The following AFF3 variants were observed in gnomAD, a reference collection of about 807,000 sequenced individuals.
AFF3 encodes ALF transcription elongation factor 3, also known as AF4/FMR2 family member 3.
A neutral mutation model predicts 129.7 loss-of-function variants in AFF3; 32 were observed. That is an observed-to-expected ratio of 0.25 (90% confidence interval 0.19 to 0.33). The LOEUF is 0.33. AFF3 is among the 10% of genes least tolerant of loss of function. AFF3 has a pLI of 1.00. For missense variants in AFF3, 1,373 were observed against 1,592.0 expected (o/e 0.86, Z 2.34); for synonymous variants, 644 against 635.4 (o/e 1.01, Z -0.20).
intron 7 of AFF3, among the ~76,000 whole-genome samples, chr2:99,937,064 C>G (rs1378238379): frequency 6.6e-6 from 1 of 152,174 alleles, no homozygotes; most frequent in Non-Finnish European, 1.5e-5. Flanking sequence ...ACAGGTCCAT[C>G]TGAAAATGCT....
At chr2:99,772,905 C>T (rs1324187520) in intron 8 of AFF3, among the ~76,000 whole-genome samples, 3 of 152,202 alleles carry the variant, frequency 2.0e-5, no homozygotes, top group Non-Finnish European at 4.4e-5. Context: ...AGACTAGATC[C>T]AAGTTCTCAG....
At chr2:100,011,479 C>T (rs767254701) in intron 4 of AFF3, 2 of 780,924 alleles carry the variant, frequency 2.6e-6, no homozygotes, top group South Asian at 2.7e-5. Context: ...CAGAAGGCCC[C>T]CATGCCCAAA....
At chr2:99,630,660 G>A (rs921723775) in intron 13 of AFF3, 5 of 156,016 alleles carry the variant, frequency 3.2e-5, no homozygotes, top group African/African-American at 7.2e-5. Flanking sequence ...CATGGCGGAA[G>A]GTGAAGGGGA....
At chr2:99,562,226 G>C (rs2104584863) in intron 20 of AFF3, among the ~76,000 whole-genome samples, 1 of 152,240 alleles carries the variant, frequency 6.6e-6, no homozygotes, top group South Asian at 2.1e-4. Context: ...GCAAGTTTCA[G>C]CCATTATTTC....
chr2:99,849,703 C>T (rs1690006103), intron 7 of AFF3, among the ~76,000 whole-genome samples: 3 of 152,294 alleles, frequency 2.0e-5, no homozygotes, highest in Non-Finnish European at 2.9e-5. Flanking sequence ...GCAATGATTA[C>T]TAGGAGGCAA....
At chr2:100,038,728 T>TTC (rs906230650) in intron 4 of AFF3, among the ~76,000 whole-genome samples, 5 of 136,108 alleles carry the variant, frequency 3.7e-5, no homozygotes, top group Non-Finnish European at 6.2e-5. Context: ...CTTCTTCTTC[T>TTC]TTTTTTTTTT....
chr2:99,572,635 G>A (rs1676609642), intron 18 of AFF3: 2 of 455,820 alleles, frequency 4.4e-6, no homozygotes, highest in Non-Finnish European at 8.8e-6. Context: ...ATAGGCAACT[G>A]CATACCAAAT....
intron 4 of AFF3, among the ~76,000 whole-genome samples, chr2:100,046,008 TAACCCCAGAGCTGTTCAAGGGTC>T (rs1685800834): frequency 6.6e-6 from 1 of 152,166 alleles, no homozygotes; most frequent in Admixed American, 6.5e-5. Context: ...TTGGCACCTC[TAACCCCAGAGCTGTTCAAGGGTC>T]AACAGCACAC....
At chr2:99,808,870 T>C (rs1435011956) in intron 8 of AFF3, among the ~76,000 whole-genome samples, 2 of 152,220 alleles carry the variant, frequency 1.3e-5, no homozygotes, top group Non-Finnish European at 2.9e-5. Context: ...CATAATACAC[T>C]GTTAAACAAT....
chr2:99,697,649 G>A (rs552944017), intron 11 of AFF3, among the ~76,000 whole-genome samples: 5 of 152,356 alleles, frequency 3.3e-5, no homozygotes, highest in Admixed American at 3.3e-4. Context: ...AAGGACCCAG[G>A]TTCTGAGAAC....
rs143224885 is a variant in AFF3, at chr2:100,140,584, A to G, written c.-228+1900T>C. ...TAAGCATAATTGCAATGGCTCAGAT[A>G]CAATAACAAAATGTGTGTAAAATGC... On this transcript the variant is annotated intron_variant, in intron 1 of 24. Transcript: ENST00000672756. Among the ~76,000 whole-genome samples, 31 of 152,306 alleles carry G rather than the reference A, an allele frequency of 2.0e-4. No individual in the cohort carries two copies. In the East Asian group the frequency reaches 6.0e-3, roughly 29 times the overall value.
In AFF3 at chr2:99,872,481, C is replaced by G. The variant is rs1022302069; in HGVS notation, c.874-34957G>C. 4.0e-5 allele frequency among the ~76,000 whole-genome samples: 6 copies of G among 151,846 alleles called. No homozygotes were observed. The South Asian group carries it at 1.0e-3, about 26-fold the overall frequency. Reference sequence around the variant, plus strand: ...GTGTTGTCTCTGCCTAGGAACAATCCCTCCAACCCGAGGAGAAATCCTAGG... The same window carrying G: ...GTGTTGTCTCTGCCTAGGAACAATCGCTCCAACCCGAGGAGAAATCCTAGG... On this transcript the variant is annotated intron_variant, in intron 7 of 24. Coordinates refer to ENST00000672756, the MANE Select transcript of AFF3 (RefSeq NM_001386135.1).
intron 11 of AFF3, among the ~76,000 whole-genome samples, chr2:99,713,716 T>G (rs115406262): frequency 0.023 from 3,532 of 151,452 alleles, 123 homozygotes; most frequent in African/African-American, 0.079. Context: ...TTTTTTTTTC[T>G]AGAGAGAGTC....
chr2:99,805,693 A>T (rs1686286266), intron 8 of AFF3, among the ~76,000 whole-genome samples: 1 of 152,152 alleles, frequency 6.6e-6, no homozygotes, highest in Non-Finnish European at 1.5e-5. Flanking sequence ...ATATTTAATC[A>T]TTAATAACAT....
At chr2:99,974,904 A>G (rs539101691) in intron 7 of AFF3, among the ~76,000 whole-genome samples, 3 of 152,326 alleles carry the variant, frequency 2.0e-5, no homozygotes, top group African/African-American at 7.2e-5. Flanking sequence ...TGGGAAAGGT[A>G]TGGCAGTGCA....
chr2:99,808,125 G>A lies in AFF3; in HGVS notation c.921+29352C>T, dbSNP rs537966097. On this transcript the variant is annotated intron_variant, in intron 8 of 24. Transcript: ENST00000672756. ...TAGAAGAGTGGGTTAAAGAGAGGCC[G>A]GAAGAACTCTGTTTGATTAGAATTT... 2.6e-5 allele frequency among the ~76,000 whole-genome samples: 4 copies of A among 152,264 alleles called. No homozygotes were observed. In the South Asian group the frequency reaches 8.3e-4, roughly 32 times the overall value.
At chr2:99,580,017 T>A (rs1445850560) in intron 17 of AFF3, among the ~76,000 whole-genome samples, 3 of 152,190 alleles carry the variant, frequency 2.0e-5, no homozygotes, top group Non-Finnish European at 2.9e-5. Flanking sequence ...GTCAACATTT[T>A]AAAATTGTTC....
intron 7 of AFF3, among the ~76,000 whole-genome samples, chr2:99,965,109 T>C (rs1015071927): frequency 1.3e-5 from 2 of 152,208 alleles, no homozygotes; most frequent in Non-Finnish European, 2.9e-5. Flanking sequence ...TTCAACTTTA[T>C]AAACCACGCG....
chr2:99,679,429 GC>G (rs1213427344), intron 11 of AFF3, among the ~76,000 whole-genome samples: 1 of 152,006 alleles, frequency 6.6e-6, no homozygotes, highest in Non-Finnish European at 1.5e-5. Context: ...TTCTCTGCAG[GC>G]CCATCTTCCC....
Sources: gnomAD v4.1 joint callset for allele counts (sites outside exome capture counted in the v4.1 genomes callset) on GRCh38, gnomAD v4.1.1 for gene constraint, MANE v1.5 for transcripts, NCBI Gene and HGNC (gene_info 2026-07-23, HGNC 2026-07-21) for gene names.